SEMA6A: variants seen among roughly 807,000 people sequenced by gnomAD.
SEMA6A encodes semaphorin-6A.
SEMA6A carries 25 observed loss-of-function variants against 96.8 expected under a neutral mutation model. The observed-to-expected ratio is 0.26, with a 90% CI of 0.19 to 0.36. The LOEUF is 0.36. Ranked by LOEUF, SEMA6A falls within the 10% of genes least tolerant of loss-of-function variation. SEMA6A has a pLI of 1.00. For missense variants in SEMA6A, 1,363 were observed against 1,323.1 expected, an observed-to-expected ratio of 1.03 and a Z score of -0.47; for synonymous variants, 612 against 518.0, an observed-to-expected ratio of 1.18 and a Z score of -2.46.
At position 116,533,061 on chromosome 5, in the gene SEMA6A, T is replaced by G. The variant is rs1334511466; in HGVS notation, c.-38-28079A>C. Among the ~76,000 whole-genome samples, 4 of 152,188 alleles carry G rather than the reference T, an allele frequency of 2.6e-5. No homozygotes were observed. The East Asian group carries it at 5.8e-4, about 22-fold the overall frequency. ...AAATTCTTACAGGACTGTTTGAAAA[T>G]AAATCCTATCACACATCTATTTGGT... On this transcript the variant is annotated intron_variant, in intron 1 of 18. Coordinates refer to ENST00000343348, the MANE Select transcript of SEMA6A (RefSeq NM_020796.5).
At chr5:116,554,297 T>C (rs1328437247) in intron 1 of SEMA6A, among the ~76,000 whole-genome samples, 2 of 152,166 alleles carry the variant, frequency 1.3e-5, no homozygotes, top group Non-Finnish European at 2.9e-5. Flanking sequence ...AAAAAGTGTC[T>C]CTAGCACTAA....
At chr5:116,564,337 C>A (rs1414992101) in intron 1 of SEMA6A, among the ~76,000 whole-genome samples, 1 of 152,220 alleles carries the variant, frequency 6.6e-6, no homozygotes, top group African/African-American at 2.4e-5. Flanking sequence ...TCTTCTAAAT[C>A]AGCCTAGATT....
In SEMA6A at chr5:116,491,745, A is replaced by G. The variant is rs1757338005; in HGVS notation, c.530T>C (p.Phe177Ser). ...GGAGAAATCAGGTCGCTTACCTGCA[A>G]ACAGTGCAACGTTGGCATGTTTGGC... ...YDAKHANVALFADGKLYSATV... is the reference protein window; with the variant it reads ...YDAKHANVALSADGKLYSATV... Residue 177 changes from phenylalanine to serine, a missense_variant, in exon 7 of 19, where the codon TTT (phenylalanine) becomes TCT (serine). Coordinates refer to ENST00000343348, the MANE Select transcript of SEMA6A (RefSeq NM_020796.5). 1 of 1,613,298 alleles carries G rather than the reference A, an allele frequency of 6.2e-7. No homozygotes were observed. The highest frequency in any genetic ancestry group is 1.3e-5 in the African/African-American group (1 of 74,910).
intron 1 of SEMA6A, among the ~76,000 whole-genome samples, chr5:116,553,855 C>T (rs1760508840): frequency 6.6e-6 from 1 of 152,120 alleles, no homozygotes; most frequent in Non-Finnish European, 1.5e-5. Flanking sequence ...ACACTCCATA[C>T]GATACAGCAA....
At chr5:116,546,583 C>T (rs566438872) in intron 1 of SEMA6A, among the ~76,000 whole-genome samples, 5 of 152,318 alleles carry the variant, frequency 3.3e-5, no homozygotes, top group Admixed American at 6.5e-5. Flanking sequence ...TTCTAATAAG[C>T]TTTTGGGTGA....
chr5:116,523,959 T>A (rs541683768), intron 1 of SEMA6A, among the ~76,000 whole-genome samples: 1 of 152,330 alleles, frequency 6.6e-6, no homozygotes, highest in South Asian at 2.1e-4. Context: ...GCCAGCTGCA[T>A]GGAGTGGCTT....
rs887771060 is a variant in SEMA6A at position 116,495,457 on chromosome 5, C to T, written c.400G>A (p.Val134Ile). ...LLKKNDDALF[V>I]CGTNAFNPSC... ...GGGTTGAAGGCATTAGTTCCACAGA[C>T]AAACAATGCATCATCGTTTTTCTTT... Residue 134 changes from valine (V) to isoleucine (I), a missense_variant, in exon 6 of 19, where the codon GTC (valine) becomes ATC (isoleucine). Val to Ile is a conservative substitution (Grantham distance 29). This residue lies in a region of SEMA6A where 480 missense variants were observed against 559.5 expected (regional missense o/e 0.86). Transcript: ENST00000343348. The T allele has an allele frequency of 6.8e-6, 11 of 1,610,658 alleles. No individual in the cohort carries two copies. The highest frequency in any genetic ancestry group is 3.3e-4 in the Middle Eastern group (2 of 6,078).
chr5:116,510,249 A>G (rs1758345962), intron 1 of SEMA6A, among the ~76,000 whole-genome samples: 1 of 152,144 alleles, frequency 6.6e-6, no homozygotes, highest in Admixed American at 6.5e-5. Flanking sequence ...TTTAGACTTC[A>G]GTTGAGTTTT....
intron 1 of SEMA6A, among the ~76,000 whole-genome samples, chr5:116,532,179 ACCT>A (rs1407597668): frequency 1.3e-5 from 2 of 152,072 alleles, no homozygotes; most frequent in East Asian, 3.9e-4. Flanking sequence ...AACATTCCCA[ACCT>A]CCTGAGTCAA....
intron 1 of SEMA6A, among the ~76,000 whole-genome samples, chr5:116,532,222 C>G (rs1406715311): frequency 6.6e-6 from 1 of 152,178 alleles, no homozygotes; most frequent in African/African-American, 2.4e-5. Context: ...TTATGCCAAA[C>G]ACTTAAGACA....
At chr5:116,502,138 G>T in intron 3 of SEMA6A, 72 bp downstream of exon 3, 1 of 1,123,810 alleles carries the variant, frequency 8.9e-7, no homozygotes, top group Non-Finnish European at 1.3e-6. Flanking sequence ...TAAAAATAAT[G>T]CATAGCTGGT....
intron 1 of SEMA6A, among the ~76,000 whole-genome samples, chr5:116,540,582 A>G (rs943016213): frequency 3.3e-5 from 5 of 152,196 alleles, no homozygotes; most frequent in African/African-American, 1.2e-4. Context: ...TCTCTACTAG[A>G]AACATATATG....
intron 1 of SEMA6A, among the ~76,000 whole-genome samples, chr5:116,510,768 T>G (rs1758366824): frequency 6.6e-6 from 1 of 152,040 alleles, no homozygotes; most frequent in Non-Finnish European, 1.5e-5. Context: ...GGTGGTCACT[T>G]GGAGAGGCTG....
At position 116,467,625 on chromosome 5, in the gene SEMA6A, G is replaced by C; in HGVS notation, c.1852C>G (p.Pro618Ala). Residue 618 changes from proline (P) to alanine (A), a missense_variant, in exon 18 of 19, where the codon CCT (proline) becomes GCT (alanine). Transcript: ENST00000343348. ...TTATGGGAAGACACTGCCCCCAAAGGGTCTGTGCTGTCAGGTGAGTCAAGC... is the reference window on the plus strand; with the variant it reads ...TTATGGGAAGACACTGCCCCCAAAGCGTCTGTGCTGTCAGGTGAGTCAAGC... ...HLLDSPDSTDPLGAVSSHNHQ... is the reference protein window; with the variant it reads ...HLLDSPDSTDALGAVSSHNHQ... The C allele has an allele frequency of 2.5e-6, 4 of 1,613,370 alleles. No homozygotes were observed. The East Asian group carries it at 8.9e-5, about 36-fold the overall frequency.
At chr5:116,507,165 A>T (rs1758178335) in intron 1 of SEMA6A, among the ~76,000 whole-genome samples, 1 of 152,300 alleles carries the variant, frequency 6.6e-6, no homozygotes, top group Admixed American at 6.5e-5. Flanking sequence ...CAGGAAAAAT[A>T]GCTGTTTTAT....
chr5:116,502,420 AC>A, intron 2 of SEMA6A, 93 bp from the exon 3 acceptor site: 1 of 1,073,902 alleles, frequency 9.3e-7, no homozygotes. Context: ...CACAAAAGAA[AC>A]CCGTGTTTAA....
At chr5:116,524,464 G>C (rs1287230793) in intron 1 of SEMA6A, among the ~76,000 whole-genome samples, 2 of 152,140 alleles carry the variant, frequency 1.3e-5, no homozygotes, top group East Asian at 3.8e-4. Flanking sequence ...CATGTGATTT[G>C]TCTCTCTGAC....
chr5:116,456,536 G>C (rs1755021922), intron 18 of SEMA6A, among the ~76,000 whole-genome samples: 1 of 152,134 alleles, frequency 6.6e-6, no homozygotes, highest in Non-Finnish European at 1.5e-5. Context: ...AAAATACTGG[G>C]CTGCTACTCC....
Position 116,455,754 on chromosome 5 carries a change from G to T in SEMA6A, c.1895-7943C>A, listed in dbSNP as rs118155767. 9.5e-3 allele frequency among the ~76,000 whole-genome samples: 1,451 copies of T among 152,224 alleles called. 55 individuals are homozygous for T. Among genetic ancestry groups the T allele is most frequent in the Admixed American group, 0.053 (811 of 15,274 alleles). ...CTAGAAATGTAGTTCTTGAGATCTG[G>T]GTTAAAGATGAGACTGGGTGTTACT... On this transcript the variant is annotated intron_variant, in intron 18 of 18. Transcript: ENST00000343348.
Sources: gnomAD v4.1 joint callset for allele counts (sites outside exome capture counted in the v4.1 genomes callset) on GRCh38, gnomAD v4.1.1 for gene constraint, gnomAD v4.1.1 regional missense constraint, MANE v1.5 for transcripts, NCBI Gene and HGNC (gene_info 2026-07-23, HGNC 2026-07-21) for gene names.